The following RERE variants were observed in gnomAD, a reference collection of about 807,000 sequenced individuals.
RERE encodes arginine-glutamic acid dipeptide repeats, also known as arginine-glutamic acid dipeptide repeats protein.
A neutral mutation model predicts 146.1 loss-of-function variants in RERE; 40 were observed. The ratio of observed to expected loss-of-function variants is 0.27; its 90% CI spans 0.21 to 0.36. The LOEUF (loss-of-function observed/expected upper bound fraction) is 0.36, where lower values mean the gene tolerates loss of function less well. RERE is among the 10% of genes least tolerant of loss of function. The pLI, the probability that RERE is intolerant of heterozygous loss-of-function variation, is 1.00. For missense variants in RERE, 1,933 were observed against 2,138.7 expected (o/e 0.90, Z 1.90); for synonymous variants, 1,003 against 866.0 (o/e 1.16, Z -2.78).
At chr1:8,655,745 C>T (rs1463689362) in intron 2 of RERE, among the ~76,000 whole-genome samples, 2 of 152,086 alleles carry the variant, frequency 1.3e-5, no homozygotes, top group Non-Finnish European at 2.9e-5. Flanking sequence ...AAGAAAAGAA[C>T]TCATGAATGC....
intron 4 of RERE, among the ~76,000 whole-genome samples, chr1:8,610,981 T>C (rs1324689075): frequency 6.7e-6 from 1 of 149,006 alleles, no homozygotes; most frequent in Non-Finnish European, 1.5e-5. Context: ...GATCATGAGG[T>C]CAGGCAGTCA....
chr1:8,607,955 A>T (rs1014484543), intron 4 of RERE, among the ~76,000 whole-genome samples: 2 of 152,182 alleles, frequency 1.3e-5, no homozygotes, highest in Admixed American at 1.3e-4. Context: ...CGAACTCCTG[A>T]CTTCAAGTGA....
chr1:8,577,139 A>C (rs984540441), intron 4 of RERE, among the ~76,000 whole-genome samples: 5 of 151,962 alleles, frequency 3.3e-5, no homozygotes, highest in Admixed American at 2.0e-4. Context: ...ACTGCACTCC[A>C]GCCTGGGCGA....
intron 2 of RERE, among the ~76,000 whole-genome samples, chr1:8,632,243 C>A (rs1647044179): frequency 6.6e-6 from 1 of 152,194 alleles, no homozygotes; most frequent in African/African-American, 2.4e-5. Context: ...GGTGAAAATT[C>A]TTCTCTCCCC....
intron 11 of RERE, among the ~76,000 whole-genome samples, chr1:8,432,048 C>T (rs1644102710): frequency 6.6e-6 from 1 of 152,178 alleles, no homozygotes; most frequent in South Asian, 2.1e-4. Flanking sequence ...CTGGTCTCCT[C>T]CCTGGCCTCA....
intron 2 of RERE, among the ~76,000 whole-genome samples, chr1:8,634,047 G>A (rs1647066672): frequency 6.6e-6 from 1 of 152,168 alleles, no homozygotes; most frequent in Non-Finnish European, 1.5e-5. Context: ...TGACAGATGA[G>A]AAGTAAAGGA....
intron 1 of RERE, among the ~76,000 whole-genome samples, chr1:8,678,690 A>G (rs976026297): frequency 1.3e-5 from 2 of 151,986 alleles, no homozygotes; most frequent in Admixed American, 6.6e-5. Context: ...GCGAGACTCC[A>G]TCTCCAAAAA....
At chr1:8,466,576 G>A (rs1353123429) in intron 10 of RERE, among the ~76,000 whole-genome samples, 1 of 152,068 alleles carries the variant, frequency 6.6e-6, no homozygotes, top group Middle Eastern at 3.2e-3. Flanking sequence ...ACTAGATTAT[G>A]TTCTTTCTTT....
At chr1:8,501,600 C>A (rs1350266468) in intron 8 of RERE, among the ~76,000 whole-genome samples, 3 of 117,490 alleles carry the variant, frequency 2.6e-5, no homozygotes, top group East Asian at 2.9e-4. Flanking sequence ...CCAGCCGCCC[C>A]GTCCGGGAGG....
At chr1:8,699,554 T>C (rs1208233577) in intron 1 of RERE, among the ~76,000 whole-genome samples, 2 of 152,220 alleles carry the variant, frequency 1.3e-5, no homozygotes, top group South Asian at 2.1e-4. Context: ...ATATGTGGAA[T>C]TGGATAACAA....
At chr1:8,528,248 T>TA (rs1419932878) in intron 7 of RERE, among the ~76,000 whole-genome samples, 3 of 152,048 alleles carry the variant, frequency 2.0e-5, no homozygotes, top group Non-Finnish European at 4.4e-5. Flanking sequence ...AAAAAATCTT[T>TA]AAAAAAGGTG....
intron 10 of RERE, among the ~76,000 whole-genome samples, chr1:8,466,649 C>T (rs755910066): frequency 6.6e-6 from 1 of 152,116 alleles, no homozygotes; most frequent in Non-Finnish European, 1.5e-5. Flanking sequence ...TTTAAAGTGG[C>T]TAAAATTTAA....
intron 4 of RERE, among the ~76,000 whole-genome samples, chr1:8,595,036 G>T (rs531926003): frequency 1.3e-5 from 2 of 151,974 alleles, no homozygotes; most frequent in Admixed American, 1.3e-4. Flanking sequence ...GCATGTGCTT[G>T]TGTGGTCCCA....
intron 12 of RERE, among the ~76,000 whole-genome samples, chr1:8,368,621 G>A (rs1557593143): frequency 6.6e-6 from 1 of 152,122 alleles, no homozygotes; most frequent in Non-Finnish European, 1.5e-5. Context: ...TTACCTGAAG[G>A]CTGTTAAAAA....
rs77303445 is a variant in RERE at position 8,662,509 on chromosome 1, C to G, written c.-144-6068G>C. Among the ~76,000 whole-genome samples the G allele has an allele frequency of 3.1e-4, 47 of 152,264 alleles. No homozygotes were observed. In the East Asian group the frequency reaches 6.4e-3, roughly 21 times the overall value. On this transcript the variant is annotated intron_variant, in intron 1 of 22. Coordinates refer to ENST00000400908, the MANE Select transcript of RERE (RefSeq NM_001042681.2). ...CCAACCTGGGAAACACAGCAAGACCCCATCTTTACAAAAGAAAAATAAATT... is the reference window on the plus strand; with the variant it reads ...CCAACCTGGGAAACACAGCAAGACCGCATCTTTACAAAAGAAAAATAAATT...
At chr1:8,688,182 A>T (rs1278974015) in intron 1 of RERE, among the ~76,000 whole-genome samples, 4 of 152,208 alleles carry the variant, frequency 2.6e-5, no homozygotes, top group Non-Finnish European at 5.9e-5. Context: ...TAACGCCTAT[A>T]ATCTCAACAC....
chr1:8,589,735 C>T (rs1052583940), intron 4 of RERE, among the ~76,000 whole-genome samples: 2 of 152,200 alleles, frequency 1.3e-5, no homozygotes, highest in Non-Finnish European at 2.9e-5. Flanking sequence ...AGTTCTGTGA[C>T]CTGGACAGCT....
chr1:8,675,451 G>T (rs1183898253), intron 1 of RERE, among the ~76,000 whole-genome samples: 4 of 142,760 alleles, frequency 2.8e-5, no homozygotes, highest in African/African-American at 1.0e-4. Flanking sequence ...TTAAGCCCAG[G>T]AGTTCAAGAC....
intron 4 of RERE, among the ~76,000 whole-genome samples, chr1:8,560,964 C>A (rs1646071163): frequency 6.6e-6 from 1 of 152,198 alleles, no homozygotes; most frequent in Admixed American, 6.5e-5. Context: ...TTTAAGACAT[C>A]TGAAAACCTG....
Sources: allele counts gnomAD v4.1 joint callset (sites outside exome capture counted in the v4.1 genomes callset), GRCh38; gene constraint gnomAD v4.1.1; transcripts MANE v1.5; gene names NCBI Gene and HGNC (gene_info 2026-07-23, HGNC 2026-07-21).